The following FMO1 variants were observed in gnomAD, a reference collection of about 807,000 sequenced individuals.
FMO1 encodes flavin-containing monooxygenase 1.
In FMO1, 36 loss-of-function variants were observed where a neutral mutation model predicts 45.4. The ratio of observed to expected loss-of-function variants is 0.79; its 90% CI spans 0.61 to 1.05. The LOEUF (loss-of-function observed/expected upper bound fraction) is 1.05. FMO1 is among the 50% of genes least tolerant of loss of function. The pLI is 0.00. For missense variants in FMO1, 615 were observed against 640.3 expected (o/e 0.96, Z 0.43); for synonymous variants, 228 against 227.2 (o/e 1.00, Z -0.03).
At chr1:171,275,211 A>C in intron 3 of FMO1, 135 bp from the exon 4 acceptor site, 1 of 607,968 alleles carries the variant, frequency 1.6e-6, no homozygotes, top group Non-Finnish European at 2.7e-6. Flanking sequence ...TAACCTGATT[A>C]GGTTTCTAGG....
In FMO1 at chr1:171,270,486, GACA is replaced by G. The variant is rs981071710; in HGVS notation, c.321+2760_321+2762del. ...AGAAAAATTTCAGACCTATGAAAAG[GACA>G]ACAATACTAATAAAAAATTTGTATT... is the stretch of plus-strand genomic sequence containing the variant. On this transcript the variant is annotated intron_variant, in intron 3 of 8. Transcript: ENST00000617670. 9.1e-6 allele frequency: 7 copies of G among 767,578 alleles called. No homozygotes were observed. In the African/African-American group the frequency reaches 9.5e-5, roughly 10 times the overall value. The allele number at this position is 767,578 out of a possible 1,614,324, so 47.5% of individuals were successfully genotyped here.
intron 1 of FMO1, among the ~76,000 whole-genome samples, chr1:171,255,921 ATTGT>A (rs1369435411): frequency 6.6e-6 from 1 of 152,122 alleles, no homozygotes; most frequent in Non-Finnish European, 1.5e-5. Context: ...TTTTCCTGGA[ATTGT>A]TTTTCTCATA....
chr1:171,265,167 G>T (rs1317262213), intron 2 of FMO1, among the ~76,000 whole-genome samples: 1 of 152,058 alleles, frequency 6.6e-6, no homozygotes, highest in African/African-American at 2.4e-5. Context: ...AAGGCAGGCG[G>T]ATCATGAGGT....
At chr1:171,284,420 ATCT>A (rs888096147) in intron 8 of FMO1, among the ~76,000 whole-genome samples, 2 of 152,102 alleles carry the variant, frequency 1.3e-5, no homozygotes, top group African/African-American at 2.4e-5. Flanking sequence ...TAAAATGAAA[ATCT>A]TCTTGTCACG....
At chr1:171,261,657 G>A (rs1458699827) in intron 2 of FMO1, among the ~76,000 whole-genome samples, 1 of 152,078 alleles carries the variant, frequency 6.6e-6, no homozygotes. Context: ...GCAGAGGCAG[G>A]AGGATAGCTT....
chr1:171,258,345 G>C, intron 2 of FMO1, 126 bp downstream of exon 2: 2 of 1,110,172 alleles, frequency 1.8e-6, no homozygotes, highest in Non-Finnish European at 1.3e-6. Context: ...TGCTGAACAG[G>C]GGACCATGAG....
chr1:171,274,698 A>G (rs1441519188), intron 3 of FMO1, among the ~76,000 whole-genome samples: 1 of 152,216 alleles, frequency 6.6e-6, no homozygotes. Flanking sequence ...CCACTTGGTG[A>G]GTGAATAATT....
At chr1:171,261,489 C>T (rs1427898214) in intron 2 of FMO1, among the ~76,000 whole-genome samples, 1 of 152,174 alleles carries the variant, frequency 6.6e-6, no homozygotes, top group Non-Finnish European at 1.5e-5. Context: ...GACCATAATG[C>T]AAAAGTAGAA....
chr1:171,255,654 G>A (rs1215209288), intron 1 of FMO1, among the ~76,000 whole-genome samples: 1 of 152,170 alleles, frequency 6.6e-6, no homozygotes, highest in South Asian at 2.1e-4. Flanking sequence ...AACACTACTA[G>A]CCTTTCTCCA....
Position 171,282,199 on chromosome 1 carries a change from C to T in FMO1, c.1049C>T (p.Ala350Val), listed in dbSNP as rs1399221943. Reference sequence around the variant, plus strand: ...GTAGTGAAAGTTGAAGATGGCCAGGCCTCACTGTACAAGTATATCTTCCCT... The same window carrying T: ...GTAGTGAAAGTTGAAGATGGCCAGGTCTCACTGTACAAGTATATCTTCCCT... ...ESVVKVEDGQ[A>V]SLYKYIFPAH... The change falls in exon 7 of 9, where the codon GCC becomes GTC. Residue 350 changes from alanine (A) to valine (V), a missense_variant. Physicochemically the swap from Ala to Val is moderately conservative, Grantham distance 64. Coordinates refer to ENST00000617670, the MANE Select transcript of FMO1 (RefSeq NM_001282693.2). 1.2e-6 allele frequency: 2 copies of T among 1,613,990 alleles called. No individual in the cohort carries two copies. Among genetic ancestry groups the T allele is most frequent in the Admixed American group, 1.7e-5 (1 of 60,004 alleles).
At position 171,258,093 on chromosome 1, in the gene FMO1, C is replaced by G. The variant is rs1660237313; in HGVS notation, c.6C>G (p.Ala2=). The G allele has an allele frequency of 6.2e-7, 1 of 1,614,102 alleles. No homozygotes were observed. The highest frequency in any genetic ancestry group is 8.5e-7 in the Non-Finnish European group (1 of 1,180,012). Residue 2 remains alanine, a synonymous_variant, in exon 2 of 9, where the codon GCC becomes GCG. Transcript: ENST00000617670. M[A]KRVAIVGAGV... ...TCTTCCTCATGCAGGAGAACATGGC[C>G]AAGCGAGTTGCCATTGTGGGAGCTG...
At chr1:171,258,010 C>T in intron 1 of FMO1, 72 bp from the exon 2 acceptor site, 2 of 1,576,136 alleles carry the variant, frequency 1.3e-6, no homozygotes, top group Non-Finnish European at 8.7e-7. Context: ...ATTCTTTTTC[C>T]TGGCTTGTTA....
Position 171,265,012 on chromosome 1 carries a change from G to T in FMO1, c.133-2531G>T, listed in dbSNP as rs1046087742. Among the ~76,000 whole-genome samples, 4 of 152,166 alleles carry T rather than the reference G, an allele frequency of 2.6e-5. No individual in the cohort carries two copies. The East Asian group carries it at 7.7e-4, about 29-fold the overall frequency. On this transcript the variant is annotated intron_variant, in intron 2 of 8. Transcript: ENST00000617670. Reference sequence around the variant, plus strand: ...GCAATTCCTAACAAAATTAAAAGGCGCTGAGCTACAGAGCTGTGCTTCTCA... The same window carrying T: ...GCAATTCCTAACAAAATTAAAAGGCTCTGAGCTACAGAGCTGTGCTTCTCA...
intron 2 of FMO1, among the ~76,000 whole-genome samples, chr1:171,264,493 A>G (rs1660522779): frequency 6.6e-6 from 1 of 151,996 alleles, no homozygotes; most frequent in Non-Finnish European, 1.5e-5. Context: ...GTAAATTCAA[A>G]AGTGTTTATG....
At position 171,270,957 on chromosome 1, in the gene FMO1, A is replaced by ATCATCTTCTTCATCT. The variant is rs575630267; in HGVS notation, c.321+3242_321+3256dup. The ATCATCTTCTTCATCT allele has an allele frequency of 1.2e-3, 919 of 786,734 alleles. 10 individuals are homozygous for ATCATCTTCTTCATCT. The highest frequency in any genetic ancestry group is 0.01 in the African/African-American group (599 of 57,976). The allele number at this position is 786,734 out of a possible 1,614,324, so 48.7% of individuals were successfully genotyped here. On this transcript the variant is annotated intron_variant, in intron 3 of 8. Transcript: ENST00000617670. ...AAAAACCGCTAGAACCAACTTATTCATCATCTTCTTCATCTTCATCTTCTT... is the reference window on the plus strand; with the variant it reads ...AAAAACCGCTAGAACCAACTTATTCATCATCTTCTTCATCTTCATCTTCTTCATCTTCATCTTCTT...
intron 1 of FMO1, among the ~76,000 whole-genome samples, chr1:171,249,417 G>T (rs559999257): frequency 6.6e-6 from 1 of 152,224 alleles, no homozygotes; most frequent in South Asian, 2.1e-4. Context: ...TTATTTGCTT[G>T]TTGTGGTTAG....
intron 4 of FMO1, 142 bp downstream of exon 4, chr1:171,275,650 T>C (rs944772880): frequency 3.3e-6 from 2 of 615,366 alleles, no homozygotes; most frequent in Non-Finnish European, 5.4e-6. Context: ...TGTTTTGTTT[T>C]GTTTTTTTCT....
chr1:171,263,403 C>A (rs1187539205), intron 2 of FMO1, among the ~76,000 whole-genome samples: 2 of 152,162 alleles, frequency 1.3e-5, no homozygotes, highest in Non-Finnish European at 2.9e-5. Flanking sequence ...CCTAGGCAGT[C>A]TGACATTGAG....
At chr1:171,269,106 T>G (rs1660741901) in intron 3 of FMO1, among the ~76,000 whole-genome samples, 1 of 152,226 alleles carries the variant, frequency 6.6e-6, no homozygotes, top group African/African-American at 2.4e-5. Context: ...CCATTAAACC[T>G]CTTTCCTTTG....
Sources: allele counts gnomAD v4.1 joint callset (sites outside exome capture counted in the v4.1 genomes callset), GRCh38; gene constraint gnomAD v4.1.1; transcripts MANE v1.5; gene names NCBI Gene and HGNC (gene_info 2026-07-23, HGNC 2026-07-21).